The following NOL4 variants were observed in gnomAD, a reference collection of about 807,000 sequenced individuals.
NOL4 encodes the protein nucleolar protein 4.
Under a neutral mutation model 75.9 loss-of-function variants are expected in NOL4, and 17 were observed. The ratio of observed to expected loss-of-function variants is 0.22; its 90% CI spans 0.15 to 0.34. The LOEUF is 0.34. Among genes scored for constraint, NOL4 ranks in the 10% least tolerant of loss-of-function variants. NOL4 has a pLI of 1.00. For synonymous variants in NOL4, 292 were observed against 289.9 expected, an observed-to-expected ratio of 1.01 and a Z score of -0.07; for missense variants, 614 against 793.5, an observed-to-expected ratio of 0.77 and a Z score of 2.72.
intron 5 of NOL4, among the ~76,000 whole-genome samples, chr18:34,075,835 A>G (rs1437283728): frequency 6.6e-6 from 1 of 152,178 alleles, no homozygotes; most frequent in African/African-American, 2.4e-5. Flanking sequence ...GAATTTTTGT[A>G]TATGAGTTGT....
chr18:34,055,774 T>A (rs558227853), intron 5 of NOL4, among the ~76,000 whole-genome samples: 1 of 152,232 alleles, frequency 6.6e-6, no homozygotes, highest in Non-Finnish European at 1.5e-5. Context: ...ACCCCATAAG[T>A]CCCTTAAGTT....
chr18:34,098,966 A>T (rs1358020351), intron 4 of NOL4, among the ~76,000 whole-genome samples: 1 of 152,162 alleles, frequency 6.6e-6, no homozygotes, highest in Non-Finnish European at 1.5e-5. Context: ...TTCTCTCCAC[A>T]TCAATTCTTT....
At chr18:34,215,928 T>TTC (rs2036855554) in intron 1 of NOL4, among the ~76,000 whole-genome samples, 1 of 152,344 alleles carries the variant, frequency 6.6e-6, no homozygotes, top group South Asian at 2.1e-4. Context: ...GCATATATTT[T>TTC]TCTTAGATTT....
intron 2 of NOL4, among the ~76,000 whole-genome samples, chr18:34,108,631 C>A (rs1439649078): frequency 1.3e-5 from 2 of 152,102 alleles, no homozygotes; most frequent in East Asian, 1.9e-4. Context: ...AAAGTCAATT[C>A]ATCAAGAAGA....
intron 5 of NOL4, among the ~76,000 whole-genome samples, chr18:34,040,305 T>G (rs1487908414): frequency 9.9e-5 from 15 of 151,902 alleles, no homozygotes; most frequent in Admixed American, 9.9e-4. Flanking sequence ...TTTGGAATTT[T>G]TTCATGACTA....
intron 1 of NOL4, among the ~76,000 whole-genome samples, chr18:34,198,229 T>C (rs2035476679): frequency 6.6e-6 from 1 of 151,912 alleles, no homozygotes; most frequent in African/African-American, 2.4e-5. Flanking sequence ...TTCTACTTTT[T>C]TTATTAAACA....
At chr18:33,962,860 C>T (rs2070262549) in intron 6 of NOL4, among the ~76,000 whole-genome samples, 1 of 152,104 alleles carries the variant, frequency 6.6e-6, no homozygotes. Context: ...GACACAGAAC[C>T]AGTTGGAACA....
chr18:34,010,591 T>C (rs1254074634), intron 6 of NOL4, among the ~76,000 whole-genome samples: 1 of 151,906 alleles, frequency 6.6e-6, no homozygotes, highest in Non-Finnish European at 1.5e-5. Context: ...TGCTGAAATA[T>C]ATGCTAGTTC....
At chr18:34,152,428 T>A (rs1225349623) in intron 1 of NOL4, among the ~76,000 whole-genome samples, 1 of 151,890 alleles carries the variant, frequency 6.6e-6, no homozygotes. Context: ...AATAGTCTAA[T>A]CTTTTGGGAA....
At chr18:34,002,173 T>C (rs1263243586) in intron 6 of NOL4, among the ~76,000 whole-genome samples, 4 of 152,134 alleles carry the variant, frequency 2.6e-5, no homozygotes, top group African/African-American at 7.2e-5. Context: ...TCACTACTCA[T>C]AGTAGTGACA....
At chr18:34,193,966 C>T (rs2035109852) in intron 1 of NOL4, among the ~76,000 whole-genome samples, 1 of 151,974 alleles carries the variant, frequency 6.6e-6, no homozygotes, top group Non-Finnish European at 1.5e-5. Flanking sequence ...GTGAAATAAG[C>T]CAGGCACAGA....
intron 5 of NOL4, among the ~76,000 whole-genome samples, chr18:34,092,428 T>A (rs1472142948): frequency 6.6e-6 from 1 of 152,152 alleles, no homozygotes; most frequent in Non-Finnish European, 1.5e-5. Context: ...TTAAGATTAA[T>A]CTGAAGTGAG....
intron 5 of NOL4, among the ~76,000 whole-genome samples, chr18:34,046,634 A>ATATATATATATG (rs1193500422): frequency 4.4e-5 from 6 of 137,484 alleles, no homozygotes; most frequent in African/African-American, 1.3e-4. Flanking sequence ...ATATATATAT[A>ATATATATATATG]TATGTATATG....
At chr18:34,218,863 T>C (rs1384473730) in intron 1 of NOL4, among the ~76,000 whole-genome samples, 2 of 152,160 alleles carry the variant, frequency 1.3e-5, no homozygotes, top group Admixed American at 6.5e-5. Flanking sequence ...AGGCCTAATA[T>C]AGGTGCCTTA....
intron 1 of NOL4, among the ~76,000 whole-genome samples, chr18:34,199,936 A>G (rs924147347): frequency 1.3e-5 from 2 of 151,856 alleles, no homozygotes; most frequent in African/African-American, 4.8e-5. Context: ...CCCTAGTCCT[A>G]TAACTGGATA....
chr18:34,189,506 G>T (rs1238788068), intron 1 of NOL4, among the ~76,000 whole-genome samples: 1 of 152,094 alleles, frequency 6.6e-6, no homozygotes, highest in South Asian at 2.1e-4. Flanking sequence ...AATTCATTGG[G>T]TGTTTACTAT....
chr18:33,862,265 T>C (rs1426587548), intron 10 of NOL4, among the ~76,000 whole-genome samples: 4 of 151,850 alleles, frequency 2.6e-5, no homozygotes, highest in African/African-American at 4.8e-5. Flanking sequence ...ATACAAAAAT[T>C]AATTCAAGAT....
intron 1 of NOL4, among the ~76,000 whole-genome samples, chr18:34,175,856 C>A (rs1568421347): frequency 6.6e-6 from 1 of 151,968 alleles, no homozygotes; most frequent in Non-Finnish European, 1.5e-5. Flanking sequence ...AACAGCAAAT[C>A]TTGGGGAGAG....
intron 9 of NOL4, among the ~76,000 whole-genome samples, chr18:33,940,441 A>C (rs2068392024): frequency 6.6e-6 from 1 of 152,026 alleles, no homozygotes; most frequent in Non-Finnish European, 1.5e-5. Context: ...TCAGCCAACT[A>C]ACACAAGAAC....
Sources: allele counts gnomAD v4.1 joint callset (sites outside exome capture counted in the v4.1 genomes callset), GRCh38; gene constraint gnomAD v4.1.1; transcripts MANE v1.5; gene names NCBI Gene and HGNC (gene_info 2026-07-23, HGNC 2026-07-21).